The following INTS1 variants were observed in gnomAD, a reference collection of about 807,000 sequenced individuals.
The protein encoded by INTS1 is integrator complex subunit 1.
Under a neutral mutation model 241.6 loss-of-function variants are expected in INTS1, and 137 were observed. The observed-to-expected ratio is 0.57, with a 90% confidence interval of 0.49 to 0.65. The LOEUF (loss-of-function observed/expected upper bound fraction) is 0.65, where lower values mean the gene tolerates loss of function less well. INTS1 is among the 30% of genes least tolerant of loss of function. The pLI is 0.00. For synonymous variants in INTS1, 1,692 were observed against 1,337.8 expected, an observed-to-expected ratio of 1.26 and a Z score of -5.78; for missense variants, 3,073 against 3,032.2, an observed-to-expected ratio of 1.01 and a Z score of -0.32.
rs1357225402 is a variant in INTS1, at chr7:1,481,309, G to A, written c.3850+33C>T. 6.8e-6 allele frequency: 11 copies of A among 1,611,590 alleles called. No homozygotes were observed. The highest frequency in any genetic ancestry group is 9.3e-6 in the Non-Finnish European group (11 of 1,179,240). On this transcript the variant is annotated intron_variant, in intron 28 of 47. Coordinates refer to ENST00000404767, the MANE Select transcript of INTS1 (RefSeq NM_001080453.3). The surrounding 1 kb of genome is among the most constrained non-coding windows in gnomAD (Gnocchi z 6.8). ...CCGGGCTGGGGCTCGGTCAGCGTGTGTGAACCCACTCCGCAGGTCCCTGGC... is the reference window on the plus strand; with the variant it reads ...CCGGGCTGGGGCTCGGTCAGCGTGTATGAACCCACTCCGCAGGTCCCTGGC...
intron 18 of INTS1, 87 bp from the exon 19 acceptor site, chr7:1,488,044 A>C (rs1583131515): frequency 1.4e-6 from 2 of 1,399,594 alleles, no homozygotes. Flanking sequence ...GGAGGGTAAA[A>C]CCCCTACGGC....
intron 45 of INTS1, among the ~76,000 whole-genome samples, 162 bp downstream of exon 45, chr7:1,471,409 C>T (rs1418620430): frequency 2.0e-5 from 3 of 152,260 alleles, no homozygotes; most frequent in East Asian, 3.9e-4. Context: ...GCTCTGGCGG[C>T]GGCTTGACTG....
intron 14 of INTS1, 175 bp downstream of exon 14, chr7:1,494,641 C>G (rs1182207084): frequency 4.4e-6 from 3 of 674,338 alleles, no homozygotes; most frequent in Non-Finnish European, 7.8e-6. Flanking sequence ...GCTGGGACGC[C>G]AGCATGGGAG....
At chr7:1,501,811 C>A (rs138995965) in intron 3 of INTS1, among the ~76,000 whole-genome samples, 1 of 152,170 alleles carries the variant, frequency 6.6e-6, no homozygotes, top group African/African-American at 2.4e-5. Context: ...CAACTGAGTC[C>A]AGCACAAACA....
In INTS1 at chr7:1,471,635, A is replaced by G. The variant is rs774301668; in HGVS notation, c.6191T>C (p.Leu2064Pro). Residue 2064 changes from leucine (L) to proline (P), a missense_variant, in exon 45 of 48, where the codon CTG (leucine) becomes CCG (proline). By Grantham distance (98) the Leu-to-Pro change is moderately conservative. Transcript: ENST00000404767. ...LSRGQTVEDL[L>P]EVLSDIDEMS... ...CTCGTCTATGTCACTCAGAACCTCC[A>G]GCAGATCTGACACAGAGAGAGGGCC... is the stretch of plus-strand genomic sequence containing the variant. 3.1e-6 allele frequency: 5 copies of G among 1,612,072 alleles called. No homozygotes were observed. The highest frequency in any genetic ancestry group is 4.2e-6 in the Non-Finnish European group (5 of 1,179,758).
At chr7:1,482,390 T>C in intron 27 of INTS1, 156 bp downstream of exon 27, 1 of 658,240 alleles carries the variant, frequency 1.5e-6, no homozygotes, top group Non-Finnish European at 2.4e-6. Context: ...CACAGCCTGC[T>C]GTGGCCAGGA....
rs183156030 is a variant in INTS1 at position 1,496,896 on chromosome 7, C to T, written c.1602+242G>A. Among the ~76,000 whole-genome samples, 6 of 152,294 alleles carry T rather than the reference C, an allele frequency of 3.9e-5. No individual in the cohort carries two copies. The East Asian group carries it at 9.7e-4, about 25-fold the overall frequency. On this transcript the variant is annotated intron_variant, in intron 11 of 47. Coordinates refer to ENST00000404767, the MANE Select transcript of INTS1 (RefSeq NM_001080453.3). ...CCCTTGCTGCCGGCAGCAATTCATC[C>T]CATCCAGCCTAGGGGTTGCCAGTTC...
intron 43 of INTS1, 32 bp downstream of exon 43, chr7:1,473,037 AGCT>A (rs1265357193): frequency 1.4e-6 from 2 of 1,438,684 alleles, no homozygotes; most frequent in Non-Finnish European, 1.9e-6. Context: ...ACTGTTCCGC[AGCT>A]GCTTCCAGCA....
chr7:1,487,060 C>T lies in INTS1; in HGVS notation c.2688G>A (p.Gln896=). Residue 896 remains glutamine, a synonymous_variant, in exon 21 of 48, where the codon CAG becomes CAA. Transcript: ENST00000404767. Reference sequence around the variant, plus strand: ...GCACGTCCAGGGAGCCCTCGCTGGACTGTACCAGGTCCGCCAGCCAGGGCA... The same window carrying T: ...GCACGTCCAGGGAGCCCTCGCTGGATTGTACCAGGTCCGCCAGCCAGGGCA... ...QSMPWLADLV[Q]SSEGSLDVLP... is the part of the protein sequence containing the mutation. 6.4e-7 allele frequency: 1 copy of T among 1,565,698 alleles called. No individual in the cohort carries two copies. The highest frequency in any genetic ancestry group is 8.6e-7 in the Non-Finnish European group (1 of 1,160,038).
chr7:1,482,640 G>A lies in INTS1; in HGVS notation c.3609C>T (p.Ala1203=), dbSNP rs1782051026. 6.2e-7 allele frequency: 1 copy of A among 1,612,740 alleles called. No individual in the cohort carries two copies. Among genetic ancestry groups the A allele is most frequent in the African/African-American group, 1.3e-5 (1 of 74,952 alleles). The change falls in exon 27 of 48, where the codon GCC becomes GCT. Residue 1203 remains alanine, a synonymous_variant. Coordinates refer to ENST00000404767, the MANE Select transcript of INTS1 (RefSeq NM_001080453.3). ...CCTCCTCCGATGTGTCCACCAGGAA[G>A]GCGGTGGGCAGTGGCTTCTCCTCCG... ...WFPEEKPLPT[A]FLVDTSEEAL...
In INTS1 at chr7:1,478,774, G is replaced by C; in HGVS notation, c.4441C>G (p.Leu1481Val). ...GAGGCCTGGCTGGCAAGCATCCTGA[G>C]CTGTGCCCGCAGGGGCCCGCCCTCC... ...GVEGGPLRAQ[L>V]RMLASQASAG... is the part of the protein sequence containing the mutation. Residue 1481 changes from leucine (L) to valine (V), a missense_variant, in exon 32 of 48, where the codon CTC becomes GTC. By Grantham distance (32) the Leu-to-Val change is conservative (BLOSUM62 1). Coordinates refer to ENST00000404767, the MANE Select transcript of INTS1 (RefSeq NM_001080453.3). 6.2e-7 allele frequency: 1 copy of C among 1,602,590 alleles called. No homozygotes were observed.
At chr7:1,482,037 C>T (rs1782025760) in intron 27 of INTS1, among the ~76,000 whole-genome samples, 1 of 152,190 alleles carries the variant, frequency 6.6e-6, no homozygotes, top group Non-Finnish European at 1.5e-5. Flanking sequence ...ACACAACAGC[C>T]TAGACCCCTT....
intron 3 of INTS1, 77 bp downstream of exon 3, chr7:1,502,824 G>A: frequency 6.6e-7 from 1 of 1,516,716 alleles, no homozygotes; most frequent in Non-Finnish European, 9.1e-7. Context: ...ACTAGGCCTG[G>A]AGGGGGCCTT....
At chr7:1,492,928 G>C in intron 16 of INTS1, 82 bp downstream of exon 16, 1 of 954,442 alleles carries the variant, frequency 1.0e-6, no homozygotes, top group South Asian at 1.5e-5. Context: ...GTGGGGAGCG[G>C]GGCGCGGGCT....
At position 1,499,612 on chromosome 7, in the gene INTS1, C is replaced by T. The variant is rs372143276; in HGVS notation, c.705G>A (p.Leu235=). Residue 235 remains leucine, a synonymous_variant, in exon 6 of 48, where the codon CTG becomes CTA. Transcript: ENST00000404767. The part of the protein sequence containing the change: ...IFVKVYIEDS[L]GERIWVDSPH... ...GGCTGTCCACCCAGATCCGCTCCCC[C>T]AGGGAGTCCTCGATGTACACCTGTG... 4 of 1,612,328 alleles carry T rather than the reference C, an allele frequency of 2.5e-6. No homozygotes were observed. Among genetic ancestry groups the T allele is most frequent in the Admixed American group, 3.3e-5 (2 of 59,912 alleles).
chr7:1,488,633 A>T (rs1782393511), intron 18 of INTS1, among the ~76,000 whole-genome samples: 1 of 151,636 alleles, frequency 6.6e-6, no homozygotes, highest in South Asian at 2.1e-4. Flanking sequence ...ACACACACAC[A>T]CCTGGTCCCC....
At chr7:1,478,665 A>C in intron 32 of INTS1, 61 bp downstream of exon 32, 1 of 1,495,656 alleles carries the variant, frequency 6.7e-7, no homozygotes, top group Non-Finnish European at 8.9e-7. Flanking sequence ...CAGCTTGGCC[A>C]CTCTGAGTGA....
In INTS1 at chr7:1,495,521, T is replaced by A; in HGVS notation, c.1744A>T (p.Ile582Phe). The part of the protein sequence containing the change: ...LEVLRSFQNQ[I>F]AAIQRDAVWW... ...ACGGCATCCCGCTGGATGGCGGCAA[T>A]CTGGTTCTGGAATGAGCGGAGCACT... is the stretch of plus-strand genomic sequence containing the variant. Residue 582 changes from isoleucine (I) to phenylalanine (F), a missense_variant, in exon 13 of 48, where the codon ATT becomes TTT. By Grantham distance (21) the Ile-to-Phe change is conservative. Transcript: ENST00000404767. 1 of 1,612,284 alleles carries A rather than the reference T, an allele frequency of 6.2e-7. No individual in the cohort carries two copies. The highest frequency in any genetic ancestry group is 8.5e-7 in the Non-Finnish European group (1 of 1,179,614).
At chr7:1,494,733 G>T in intron 14 of INTS1, 83 bp downstream of exon 14, 1 of 1,360,068 alleles carries the variant, frequency 7.4e-7, no homozygotes, top group Non-Finnish European at 1.0e-6. Context: ...AACTCCCACT[G>T]GCCCTTCCTG....
Sources: gnomAD v4.1 joint callset for allele counts (sites outside exome capture counted in the v4.1 genomes callset) on GRCh38, gnomAD v4.1.1 for gene constraint, Gnocchi (gnomAD v3.1) non-coding constraint, MANE v1.5 for transcripts, NCBI Gene and HGNC (gene_info 2026-07-23, HGNC 2026-07-21) for gene names.